The following DIAPH2 variants were observed in gnomAD, a reference collection of about 807,000 sequenced individuals.
DIAPH2 encodes the protein protein diaphanous homolog 2.
DIAPH2 carries 35 observed loss-of-function variants against 92.7 expected under a neutral mutation model. The ratio of observed to expected loss-of-function variants is 0.38; its 90% CI spans 0.29 to 0.50. The LOEUF (loss-of-function observed/expected upper bound fraction) is 0.50. Among genes scored for constraint, DIAPH2 ranks in the 20% least tolerant of loss-of-function variants. The probability of loss-of-function intolerance (pLI) is 0.94; values close to 1 mark genes in which losing one functional copy is unlikely to be tolerated. For synonymous variants in DIAPH2, 301 were observed against 280.4 expected, an observed-to-expected ratio of 1.07 and a Z score of -0.73; for missense variants, 701 against 819.5, an observed-to-expected ratio of 0.86 and a Z score of 1.77.
At chrX:96,695,881 G>C (rs1226084937) in intron 1 of DIAPH2, among the ~76,000 whole-genome samples, 3 of 111,417 alleles carry the variant, frequency 2.7e-5, no homozygotes, top group Non-Finnish European at 5.7e-5. Flanking sequence ...TTATTTTAAA[G>C]CATTTCCTAT....
At chrX:96,925,305 C>T (rs2065573670) in intron 9 of DIAPH2, among the ~76,000 whole-genome samples, 1 of 111,063 alleles carries the variant, frequency 9.0e-6, no homozygotes, top group Admixed American at 9.6e-5. Flanking sequence ...CTGCATTTCT[C>T]TTGTATTCCC....
intron 4 of DIAPH2, among the ~76,000 whole-genome samples, chrX:96,845,560 T>C (rs1333102570): frequency 8.9e-6 from 1 of 112,247 alleles, no homozygotes; most frequent in Admixed American, 9.5e-5. Flanking sequence ...CTTGTTTCTG[T>C]CTCTGTTAAT....
At chrX:97,059,994 G>A (rs1442059663) in intron 17 of DIAPH2, among the ~76,000 whole-genome samples, 2 of 112,580 alleles carry the variant, frequency 1.8e-5, no homozygotes, top group Non-Finnish European at 3.8e-5. Context: ...TTTCCATTAA[G>A]AAACAGGAAT....
chrX:96,987,203 G>A (rs1385189176), intron 17 of DIAPH2, among the ~76,000 whole-genome samples: 1 of 111,489 alleles, frequency 9.0e-6, no homozygotes, highest in Admixed American at 9.5e-5. Flanking sequence ...TTGGGTATTA[G>A]GAGCTACATT....
chrX:97,255,005 T>C (rs2068224989), intron 23 of DIAPH2, among the ~76,000 whole-genome samples: 2 of 111,665 alleles, frequency 1.8e-5, no homozygotes, highest in South Asian at 7.5e-4. Context: ...CACCCAGCCT[T>C]AACTTTATTT....
At chrX:97,248,862 A>T (rs1335240927) in intron 23 of DIAPH2, among the ~76,000 whole-genome samples, 3 of 111,734 alleles carry the variant, frequency 2.7e-5, no homozygotes, top group African/African-American at 9.7e-5. Flanking sequence ...AAAAAATTTT[A>T]ACTCTCAGTG....
intron 5 of DIAPH2, among the ~76,000 whole-genome samples, chrX:96,891,712 T>C (rs2065308570): frequency 1.8e-5 from 2 of 112,111 alleles, no homozygotes; most frequent in African/African-American, 6.5e-5. Context: ...CTAGAATTCT[T>C]GTTAGAGTTG....
chrX:97,538,607 T>C (rs2071115321), intron 26 of DIAPH2, among the ~76,000 whole-genome samples: 1 of 112,225 alleles, frequency 8.9e-6, no homozygotes, highest in African/African-American at 3.2e-5. Context: ...ATAAAGTTTT[T>C]ACTAAAGTTA....
intron 22 of DIAPH2, among the ~76,000 whole-genome samples, chrX:97,242,935 C>T (rs1252299717): frequency 1.8e-5 from 2 of 108,683 alleles, no homozygotes; most frequent in African/African-American, 6.7e-5. Context: ...TACAGGCGCC[C>T]GCCCCCACGC....
chrX:97,401,276 G>A (rs535394288), intron 25 of DIAPH2, among the ~76,000 whole-genome samples: 2 of 110,479 alleles, frequency 1.8e-5, no homozygotes, highest in African/African-American at 6.6e-5. Context: ...CACTAACAGT[G>A]TTCCTCGTGT....
chrX:97,317,645 G>T (rs1353702066), intron 23 of DIAPH2, among the ~76,000 whole-genome samples: 1 of 111,767 alleles, frequency 8.9e-6, no homozygotes, highest in African/African-American at 3.2e-5. Flanking sequence ...ATGCCAGAGA[G>T]AAATTAATCG....
chrX:96,687,216 A>G (rs999125835), intron 1 of DIAPH2, among the ~76,000 whole-genome samples: 1 of 111,917 alleles, frequency 8.9e-6, no homozygotes, highest in East Asian at 2.8e-4. Context: ...AGAAGGGGAA[A>G]TGGCATTGAC....
chrX:97,050,520 T>C (rs1288078824), intron 17 of DIAPH2, among the ~76,000 whole-genome samples: 1 of 108,637 alleles, frequency 9.2e-6, no homozygotes, highest in Non-Finnish European at 1.9e-5. Flanking sequence ...TTTTTTTTTT[T>C]TCCTCTTCTG....
At chrX:97,278,310 C>T (rs914191599) in intron 23 of DIAPH2, among the ~76,000 whole-genome samples, 1 of 111,716 alleles carries the variant, frequency 9.0e-6, no homozygotes. Context: ...ACTTCTGTTG[C>T]AGTTGATGAA....
intron 22 of DIAPH2, among the ~76,000 whole-genome samples, chrX:97,157,760 A>G (rs1423783797): frequency 8.9e-6 from 1 of 112,074 alleles, no homozygotes; most frequent in East Asian, 2.8e-4. Flanking sequence ...TAGAAAGGAA[A>G]TGTTTATTCT....
intron 19 of DIAPH2, among the ~76,000 whole-genome samples, chrX:97,076,886 T>C (rs2066708759): frequency 1.8e-5 from 2 of 111,747 alleles, no homozygotes; most frequent in African/African-American, 6.5e-5. Flanking sequence ...CATATCCTGC[T>C]TTACCCACCA....
At chrX:97,219,467 G>A (rs754310353) in intron 22 of DIAPH2, among the ~76,000 whole-genome samples, 40 of 111,663 alleles carry the variant, frequency 3.6e-4, no homozygotes, top group African/African-American at 1.2e-3. Context: ...GTGAATAGAT[G>A]TTATTTCCTA....
intron 21 of DIAPH2, among the ~76,000 whole-genome samples, chrX:97,134,650 T>A (rs1198616431): frequency 9.0e-6 from 1 of 111,673 alleles, no homozygotes; most frequent in Non-Finnish European, 1.9e-5. Flanking sequence ...ATATTGCTGG[T>A]CCAGGGACCA....
At chrX:97,596,440 A>G (rs2071552078) in intron 26 of DIAPH2, among the ~76,000 whole-genome samples, 1 of 111,992 alleles carries the variant, frequency 8.9e-6, no homozygotes, top group Non-Finnish European at 1.9e-5. Flanking sequence ...AGGTAAATAC[A>G]TGTGTTGTCA....
Sources: gnomAD v4.1 joint callset for allele counts (sites outside exome capture counted in the v4.1 genomes callset) on GRCh38, gnomAD v4.1.1 for gene constraint, MANE v1.5 for transcripts, NCBI Gene and HGNC (gene_info 2026-07-23, HGNC 2026-07-21) for gene names.